The following PTPRQ variants were observed in gnomAD, a reference collection of about 807,000 sequenced individuals.
PTPRQ encodes the protein phosphatidylinositol phosphatase PTPRQ.
A neutral mutation model predicts 246.0 loss-of-function variants in PTPRQ; 199 were observed. That is an observed-to-expected ratio of 0.81 (90% CI 0.72 to 0.91). The LOEUF is 0.91. Ranked by LOEUF, PTPRQ falls within the 40% of genes least tolerant of loss-of-function variation. PTPRQ has a pLI of 0.00. For synonymous variants in PTPRQ, 869 were observed against 853.2 expected, an observed-to-expected ratio of 1.02 and a Z score of -0.32; for missense variants, 2,624 against 2,528.4, an observed-to-expected ratio of 1.04 and a Z score of -0.81.
In PTPRQ at chr12:80,658,033, C is replaced by T. The variant is rs768307387; in HGVS notation, c.6164C>T (p.Ser2055Leu). The change falls in exon 39 of 45, where the codon TCG (serine) becomes TTG (leucine). Residue 2055 changes from serine to leucine, a missense_variant. By Grantham distance (145) the Ser-to-Leu change is moderately radical (BLOSUM62 -2). Transcript: ENST00000644991. ...ATAGCTGACGCTAGTGTTCCAGGTT[C>T]GGATTATATTAATGCCAGCTATATT... ...KLIADASVPG[S>L]DYINASYISG... 513 of 1,432,418 alleles carry T rather than the reference C, an allele frequency of 3.6e-4. No individual in the cohort carries two copies. Among genetic ancestry groups the T allele is most frequent in the Middle Eastern group, 6.4e-4 (3 of 4,710 alleles). The allele number at this position is 1,432,418 out of a possible 1,614,324, so 88.7% of individuals were successfully genotyped here.
At chr12:80,575,859 A>AAAAAAG (rs1301438894) in intron 25 of PTPRQ, among the ~76,000 whole-genome samples, 21 of 148,830 alleles carry the variant, frequency 1.4e-4, no homozygotes, top group Admixed American at 1.0e-3. Context: ...AAAAAAAAAG[A>AAAAAAG]AAAAAGAAAA....
intron 8 of PTPRQ, among the ~76,000 whole-genome samples, chr12:80,479,337 G>C (rs900479049): frequency 5.3e-5 from 8 of 151,344 alleles, no homozygotes; most frequent in African/African-American, 1.9e-4. Context: ...GAGAGATTTT[G>C]TCACCACCAG....
At chr12:80,446,517 T>C (rs540691420) in intron 3 of PTPRQ, among the ~76,000 whole-genome samples, 2 of 151,842 alleles carry the variant, frequency 1.3e-5, no homozygotes, top group South Asian at 4.2e-4. Flanking sequence ...GGTTTGGGCT[T>C]CTAGTATACC....
intron 35 of PTPRQ, among the ~76,000 whole-genome samples, chr12:80,638,020 C>A (rs1899721898): frequency 1.3e-5 from 2 of 152,052 alleles, no homozygotes; most frequent in African/African-American, 4.8e-5. Context: ...GTAATCTCAG[C>A]ACTTTGGGAG....
At chr12:80,460,610 A>G (rs1592530145) in intron 5 of PTPRQ, 43 bp from the exon 6 acceptor site, 1 of 398,418 alleles carries the variant, frequency 2.5e-6, no homozygotes, top group East Asian at 3.6e-5. Flanking sequence ...GTTCACCAAG[A>G]GATACAACAT....
intron 42 of PTPRQ, among the ~76,000 whole-genome samples, chr12:80,671,600 A>G (rs1346033805): frequency 6.6e-6 from 1 of 152,110 alleles, no homozygotes; most frequent in Non-Finnish European, 1.5e-5. Flanking sequence ...CATCTACTAA[A>G]TATTTATCTC....
At chr12:80,655,391 T>C (rs1363162339) in intron 38 of PTPRQ, among the ~76,000 whole-genome samples, 2 of 152,190 alleles carry the variant, frequency 1.3e-5, no homozygotes, top group Non-Finnish European at 2.9e-5. Flanking sequence ...TCTTATCTTA[T>C]TGGTTAATAG....
chr12:80,588,038 T>C, intron 25 of PTPRQ, 91 bp from the exon 26 acceptor site: 2 of 1,330,270 alleles, frequency 1.5e-6, no homozygotes, highest in Non-Finnish European at 2.0e-6. Flanking sequence ...AGATCTCTAC[T>C]AGCTCCTCCA....
At chr12:80,676,430 G>T (rs375042225) in intron 43 of PTPRQ, among the ~76,000 whole-genome samples, 1 of 152,100 alleles carries the variant, frequency 6.6e-6, no homozygotes, top group African/African-American at 2.4e-5. Flanking sequence ...ATCACCAGGG[G>T]TCAGGAGTTC....
At position 80,588,430 on chromosome 12, in the gene PTPRQ, T is replaced by C. The variant is rs1169650847; in HGVS notation, c.4587T>C (p.Ile1529=). The change falls in exon 26 of 45, where the codon ATT becomes ATC. Residue 1529 remains isoleucine (I), a synonymous_variant. Coordinates refer to ENST00000644991, the MANE Select transcript of PTPRQ (RefSeq NM_001145026.2). Reference sequence around the variant, plus strand: ...GCTATGGCAATGCTTCAAACTGGATTTCTACAAAAACTCTGCCTGGCCGTG... The same window carrying C: ...GCTATGGCAATGCTTCAAACTGGATCTCTACAAAAACTCTGCCTGGCCGTG... ...NAGYGNASNW[I]STKTLPGPPD... is the part of the protein sequence containing the mutation. 2.0e-6 allele frequency: 3 copies of C among 1,489,654 alleles called. No individual in the cohort carries two copies. In the South Asian group the frequency reaches 4.2e-5, roughly 21 times the overall value. 92.3% of individuals were successfully genotyped at this position (1,489,654 alleles called of 1,614,324 possible). A position where few individuals can be genotyped will look rare whatever the true frequency, so the allele number is the denominator to read the frequency against.
intron 41 of PTPRQ, 29 bp downstream of exon 41, chr12:80,669,493 C>T: frequency 6.5e-7 from 1 of 1,527,376 alleles, no homozygotes; most frequent in Non-Finnish European, 8.8e-7. Flanking sequence ...GACGAGAGAA[C>T]ATGATATAAA....
intron 26 of PTPRQ, among the ~76,000 whole-genome samples, chr12:80,592,868 G>A (rs1487619892): frequency 2.0e-5 from 3 of 151,888 alleles, no homozygotes; most frequent in African/African-American, 4.8e-5. Flanking sequence ...AAAATTATCC[G>A]AACATGGTGG....
At chr12:80,567,916 A>C (rs938803091) in intron 25 of PTPRQ, among the ~76,000 whole-genome samples, 2 of 152,174 alleles carry the variant, frequency 1.3e-5, no homozygotes, top group Admixed American at 6.5e-5. Context: ...ATTTGGTGTT[A>C]TAATATTAGC....
Position 80,506,945 on chromosome 12 carries a change from G to A in PTPRQ, c.2557+275G>A, listed in dbSNP as rs190507070. Reference sequence around the variant, plus strand: ...ATGTTTTTCCATGGGGATTTTCAAGGCTTAAAATTTGGTTTGAACGTTAAC... The same window carrying A: ...ATGTTTTTCCATGGGGATTTTCAAGACTTAAAATTTGGTTTGAACGTTAAC... On this transcript the variant is annotated intron_variant, in intron 16 of 44. Coordinates refer to ENST00000644991, the MANE Select transcript of PTPRQ (RefSeq NM_001145026.2). 4.4e-3 allele frequency among the ~76,000 whole-genome samples: 668 copies of A among 152,092 alleles called. 4 individuals are homozygous for A. Among genetic ancestry groups the A allele is most frequent in the African/African-American group, 0.015 (635 of 41,542 alleles).
rs756914432 is a variant in PTPRQ, at chr12:80,495,273, C to T, written c.1784C>T (p.Pro595Leu). 1 of 1,545,510 alleles carries T rather than the reference C, an allele frequency of 6.5e-7. No individual in the cohort carries two copies. The highest frequency in any genetic ancestry group is 1.2e-5 in the South Asian group (1 of 82,032). ...ILLYWDPPEYPNGKITHYTIY... is the reference protein window; with the variant it reads ...ILLYWDPPEYLNGKITHYTIY... ...TTATATTGGGATCCTCCAGAATATC[C>T]CAATGGAAAAATAACTCACTATACG... The change falls in exon 12 of 45, where the codon CCC becomes CTC. Residue 595 changes from proline (P) to leucine (L), a missense_variant. Transcript: ENST00000644991.
At chr12:80,569,278 A>C (rs985697603) in intron 25 of PTPRQ, among the ~76,000 whole-genome samples, 1 of 151,034 alleles carries the variant, frequency 6.6e-6, no homozygotes. Flanking sequence ...ATGTCCCTAC[A>C]AAGGACGTGA....
chr12:80,669,753 T>C (rs779741843), intron 41 of PTPRQ, among the ~76,000 whole-genome samples: 4 of 152,060 alleles, frequency 2.6e-5, no homozygotes, highest in Non-Finnish European at 4.4e-5. Context: ...TCACTAGCTT[T>C]ATTTTATCTA....
chr12:80,597,217 T>G (rs1263237746), intron 26 of PTPRQ, among the ~76,000 whole-genome samples: 1 of 151,988 alleles, frequency 6.6e-6, no homozygotes, highest in Non-Finnish European at 1.5e-5. Context: ...TAGATATTTT[T>G]TACCCCAATT....
Position 80,541,762 on chromosome 12 carries a change from A to G in PTPRQ, c.3362A>G (p.Tyr1121Cys), listed in dbSNP as rs1447177465. The G allele has an allele frequency of 8.4e-6, 13 of 1,550,974 alleles. No individual in the cohort carries two copies. Among genetic ancestry groups the G allele is most frequent in the African/African-American group, 4.1e-5 (3 of 73,028 alleles). ...GATAATCTGGAAAAATACACTGATT[A>G]TATATTAAAAATTACTCCATCAACA... ...YFDNLEKYTD[Y>C]ILKITPSTEK... The change falls in exon 21 of 45, where the codon TAT (tyrosine) becomes TGT (cysteine). Residue 1121 changes from tyrosine (Y) to cysteine (C), a missense_variant. Coordinates refer to ENST00000644991, the MANE Select transcript of PTPRQ (RefSeq NM_001145026.2).
Sources: allele counts gnomAD v4.1 joint callset (sites outside exome capture counted in the v4.1 genomes callset), GRCh38; gene constraint gnomAD v4.1.1; transcripts MANE v1.5; gene names NCBI Gene and HGNC (gene_info 2026-07-23, HGNC 2026-07-21).